CCDC30: variants seen among roughly 807,000 people sequenced by gnomAD.
CCDC30 encodes coiled-coil domain containing 30, also known as coiled-coil domain-containing protein 30.
In CCDC30, 70 loss-of-function variants were observed where a neutral mutation model predicts 100.2. The observed-to-expected ratio is 0.70, with a 90% CI of 0.58 to 0.85. The LOEUF (loss-of-function observed/expected upper bound fraction) is 0.85, where lower values mean the gene tolerates loss of function less well. Among genes scored for constraint, CCDC30 ranks in the 40% least tolerant of loss-of-function variants. CCDC30 has a pLI of 0.00. For missense variants in CCDC30, 652 were observed against 771.2 expected, an observed-to-expected ratio of 0.85 and a Z score of 1.83; for synonymous variants, 233 against 269.5, an observed-to-expected ratio of 0.86 and a Z score of 1.33.
At chr1:42,551,742 G>GGTGTGTGTGTGTGTGTGTGT (rs34048456) in intron 6 of CCDC30, among the ~76,000 whole-genome samples, 2 of 144,496 alleles carry the variant, frequency 1.4e-5, no homozygotes, top group African/African-American at 5.1e-5. Context: ...GATAAATTCT[G>GGTGTGTGTGTGTGTGTGTGT]GTGTGTGTGT....
intron 6 of CCDC30, among the ~76,000 whole-genome samples, chr1:42,502,991 T>C (rs1644343882): frequency 6.6e-6 from 1 of 152,126 alleles, no homozygotes; most frequent in African/African-American, 2.4e-5. Context: ...CAAGCAATTT[T>C]CCCACCTCAG....
intron 6 of CCDC30, among the ~76,000 whole-genome samples, chr1:42,565,091 TC>T (rs1175338940): frequency 2.6e-5 from 4 of 152,176 alleles, no homozygotes; most frequent in African/African-American, 9.7e-5. Flanking sequence ...TATTTTCTTT[TC>T]CATTCATCCA....
At chr1:42,544,185 G>A (rs530386027) in intron 6 of CCDC30, among the ~76,000 whole-genome samples, 38 of 152,122 alleles carry the variant, frequency 2.5e-4, no homozygotes, top group African/African-American at 8.0e-4. Context: ...GAGCCACTGC[G>A]CCTAGCCCAT....
chr1:42,556,262 G>A (rs867237769), intron 6 of CCDC30: 1 of 1,614,030 alleles, frequency 6.2e-7, no homozygotes, highest in Non-Finnish European at 8.5e-7. Flanking sequence ...ACAGAATCGA[G>A]ATATGAAAGA....
At position 42,551,039 on chromosome 1, in the gene CCDC30, T is replaced by G. The variant is rs998631860; in HGVS notation, c.457-15257T>G. 1.1e-4 allele frequency among the ~76,000 whole-genome samples: 16 copies of G among 152,308 alleles called. No homozygotes were observed. In the South Asian group the frequency reaches 2.9e-3, roughly 28 times the overall value. On this transcript the variant is annotated intron_variant, in intron 6 of 16. Transcript: ENST00000668663. Reference sequence around the variant, plus strand: ...GCACAATGTGCTGGTTTGTTACATATGTATACATGTGCCATGTTGGTGTGC... The same window carrying G: ...GCACAATGTGCTGGTTTGTTACATAGGTATACATGTGCCATGTTGGTGTGC...
chr1:42,467,147 A>G (rs538051315), intron 1 of CCDC30, among the ~76,000 whole-genome samples: 3 of 152,308 alleles, frequency 2.0e-5, no homozygotes, highest in East Asian at 3.9e-4. Flanking sequence ...ACAAGGCTAG[A>G]GAGACTGGGA....
chr1:42,617,112 G>T (rs1311730043), intron 11 of CCDC30, among the ~76,000 whole-genome samples: 1 of 152,104 alleles, frequency 6.6e-6, no homozygotes, highest in African/African-American at 2.4e-5. Context: ...GGGAGTTGGG[G>T]ATTTTCCCAA....
In CCDC30 at chr1:42,631,628, A is replaced by G. The variant is rs568808696; in HGVS notation, c.1278-5609A>G. On this transcript the variant is annotated intron_variant, in intron 11 of 16. Transcript: ENST00000668663. ...ATCTGGGAGCCAGGGACTAGAATAA[A>G]AAAACCTGAGAAGTCCACCTGGTGT... 3.3e-5 allele frequency among the ~76,000 whole-genome samples: 5 copies of G among 152,312 alleles called. No homozygotes were observed. In the East Asian group the frequency reaches 9.6e-4, roughly 29 times the overall value.
At chr1:42,654,787 A>T (rs1648608985), downstream of CCDC30, 1 of 147,170 alleles carries the variant, frequency 6.8e-6, no homozygotes. Flanking sequence ...ATCTCCGCTC[A>T]CTGCAACCTC....
chr1:42,507,480 A>G (rs1458340195), intron 6 of CCDC30, among the ~76,000 whole-genome samples: 1 of 152,224 alleles, frequency 6.6e-6, no homozygotes, highest in Non-Finnish European at 1.5e-5. Context: ...ACTTGCTTAA[A>G]CCTTCAGCTT....
intron 6 of CCDC30, among the ~76,000 whole-genome samples, chr1:42,526,567 G>T (rs188887555): frequency 1.4e-4 from 22 of 152,136 alleles, no homozygotes; most frequent in African/African-American, 5.1e-4. Context: ...TAAAGAAATT[G>T]ATCTTTTAAA....
chr1:42,635,251 G>T (rs1456288834), intron 11 of CCDC30, among the ~76,000 whole-genome samples: 1 of 151,798 alleles, frequency 6.6e-6, no homozygotes, highest in Admixed American at 6.6e-5. Flanking sequence ...TCATCATGTT[G>T]GCCAGGCTGG....
exon 13 of CCDC30, chr1:42,642,608 A>G: frequency 6.4e-7 from 1 of 1,573,166 alleles, no homozygotes; most frequent in Middle Eastern, 1.7e-4. Flanking sequence ...CATCCAGAGC[A>G]GGTAGGTGCC....
At chr1:42,574,982 T>A (rs1645803758) in intron 7 of CCDC30, among the ~76,000 whole-genome samples, 1 of 152,204 alleles carries the variant, frequency 6.6e-6, no homozygotes, top group African/African-American at 2.4e-5. Context: ...AACTATCCTA[T>A]GAGGTAAGTA....
At chr1:42,456,301 C>G in the CCDC30 span, 32 of 595,544 alleles carry the variant, frequency 5.4e-5, no homozygotes, top group South Asian at 6.1e-4. Flanking sequence ...CAGTTCTTCA[C>G]CCAGGCTAGG....
At chr1:42,543,484 C>T (rs189657718) in intron 6 of CCDC30, among the ~76,000 whole-genome samples, 293 of 151,058 alleles carry the variant, frequency 1.9e-3, no homozygotes, top group Non-Finnish European at 3.2e-3. Context: ...CCACACCTGG[C>T]TAATTTTTCT....
chr1:42,509,467 T>TA (rs1644444412), intron 6 of CCDC30, among the ~76,000 whole-genome samples: 1 of 152,150 alleles, frequency 6.6e-6, no homozygotes, highest in African/African-American at 2.4e-5. Context: ...TAAAATGGCT[T>TA]ATCTGAGTTT....
chr1:42,457,526 CAG>C, the CCDC30 span: 1 of 622,906 alleles, frequency 1.6e-6, no homozygotes, highest in Non-Finnish European at 2.9e-6. Context: ...GAGCTGGACA[CAG>C]ACATAATTAC....
In CCDC30 at chr1:42,518,644, G is replaced by A. The variant is rs186937819; in HGVS notation, c.456+19728G>A. Among the ~76,000 whole-genome samples the A allele has an allele frequency of 2.6e-4, 40 of 152,292 alleles. No homozygotes were observed. In the East Asian group the frequency reaches 7.5e-3, roughly 29 times the overall value. On this transcript the variant is annotated intron_variant, in intron 6 of 16. Transcript: ENST00000668663. ...AATAGGATATACCATCTAGGTTTGT[G>A]TAAGTACATTCTATGATGTTTGCAC... is the stretch of plus-strand genomic sequence containing the variant.
Sources: gnomAD v4.1 joint callset for allele counts (sites outside exome capture counted in the v4.1 genomes callset) on GRCh38, gnomAD v4.1.1 for gene constraint, MANE v1.5 for transcripts, NCBI Gene and HGNC (gene_info 2026-07-23, HGNC 2026-07-21) for gene names.